The following DPYS variants were observed in gnomAD, a reference collection of about 807,000 sequenced individuals.
The protein encoded by DPYS is dihydropyrimidine amidohydrolase.
DPYS carries 39 observed loss-of-function variants against 50.3 expected under a neutral mutation model. The ratio of observed to expected loss-of-function variants is 0.78; its 90% CI spans 0.60 to 1.01. DPYS has a LOEUF of 1.01. DPYS is among the 50% of genes least tolerant of loss of function. DPYS has a pLI of 0.00. For missense variants in DPYS, 659 were observed against 680.9 expected (o/e 0.97, Z 0.36); for synonymous variants, 245 against 250.7 (o/e 0.98, Z 0.22).
intron 7 of DPYS, among the ~76,000 whole-genome samples, chr8:104,393,966 T>G (rs1442433249): frequency 6.6e-6 from 1 of 152,160 alleles, no homozygotes; most frequent in African/African-American, 2.4e-5. Flanking sequence ...TTCCCACCCT[T>G]TCCCGCTGAG....
intron 6 of DPYS, among the ~76,000 whole-genome samples, chr8:104,426,072 A>T (rs1812711080): frequency 1.3e-5 from 2 of 152,212 alleles, no homozygotes; most frequent in Non-Finnish European, 2.9e-5. Context: ...ACTTTTATCA[A>T]GAAAATCTAA....
intron 1 of DPYS, among the ~76,000 whole-genome samples, chr8:104,453,128 A>G (rs1160118896): frequency 6.6e-6 from 1 of 151,998 alleles, no homozygotes; most frequent in Non-Finnish European, 1.5e-5. Flanking sequence ...TTTCTTGCTT[A>G]CTTCAATAGA....
intron 8 of DPYS, among the ~76,000 whole-genome samples, chr8:104,389,123 A>G (rs1811307446): frequency 6.6e-6 from 1 of 152,228 alleles, no homozygotes. Context: ...GGGACTGACA[A>G]ATGCTGATGT....
chr8:104,410,997 C>G (rs934388311), intron 7 of DPYS, among the ~76,000 whole-genome samples: 9 of 152,110 alleles, frequency 5.9e-5, no homozygotes, highest in African/African-American at 2.2e-4. Flanking sequence ...CACAGACGAC[C>G]TCAACTTAGG....
intron 8 of DPYS, among the ~76,000 whole-genome samples, chr8:104,386,296 G>T (rs1588395172): frequency 6.6e-6 from 1 of 150,556 alleles, no homozygotes; most frequent in African/African-American, 2.5e-5. Context: ...ACTTTGGGAG[G>T]CTGAGGGAGG....
At chr8:104,413,642 T>C (rs562066321) in intron 7 of DPYS, among the ~76,000 whole-genome samples, 18 of 152,200 alleles carry the variant, frequency 1.2e-4, no homozygotes, top group Non-Finnish European at 2.6e-4. Context: ...GAAGACCCAA[T>C]ATAAGTTTTT....
intron 7 of DPYS, among the ~76,000 whole-genome samples, chr8:104,423,282 C>G (rs969215001): frequency 3.3e-5 from 5 of 152,060 alleles, no homozygotes; most frequent in African/African-American, 1.2e-4. Flanking sequence ...TGAGTGGGAA[C>G]AGTGGGTGCC....
intron 7 of DPYS, among the ~76,000 whole-genome samples, chr8:104,395,466 G>A (rs577502528): frequency 6.6e-5 from 10 of 152,102 alleles, no homozygotes; most frequent in East Asian, 1.9e-4. Flanking sequence ...CTGTAGTCAC[G>A]CCCTCCCCCA....
chr8:104,442,289 T>G (rs1813381571), intron 4 of DPYS, among the ~76,000 whole-genome samples: 1 of 152,248 alleles, frequency 6.6e-6, no homozygotes, highest in South Asian at 2.1e-4. Flanking sequence ...ACTTTGCTCC[T>G]AATGGAATTC....
intron 8 of DPYS, among the ~76,000 whole-genome samples, chr8:104,386,714 G>A (rs976251676): frequency 5.3e-5 from 8 of 150,864 alleles, no homozygotes; most frequent in Admixed American, 2.6e-4. Context: ...TGCAACCTCC[G>A]CCTTCTGAGT....
intron 4 of DPYS, among the ~76,000 whole-genome samples, chr8:104,437,395 A>G (rs1158757492): frequency 6.6e-6 from 1 of 152,234 alleles, no homozygotes; most frequent in African/African-American, 2.4e-5. Flanking sequence ...AATGACAACT[A>G]GAGTGACCTC....
In DPYS at chr8:104,431,114, G is replaced by A. The variant is rs191956382; in HGVS notation, c.794-1413C>T. 2.9e-4 allele frequency among the ~76,000 whole-genome samples: 44 copies of A among 152,290 alleles called. No individual in the cohort carries two copies. In the East Asian group the frequency reaches 5.8e-3, roughly 20 times the overall value. ...CAATGAAAACTCAGAGACTTGATCTGCAATCACTTTACAAGTCGCTGACTG... is the reference window on the plus strand; with the variant it reads ...CAATGAAAACTCAGAGACTTGATCTACAATCACTTTACAAGTCGCTGACTG... On this transcript the variant is annotated intron_variant, in intron 4 of 9. Transcript: ENST00000351513.
At chr8:104,466,623 G>A in intron 1 of DPYS, 34 bp downstream of exon 1, 1 of 1,498,624 alleles carries the variant, frequency 6.7e-7, no homozygotes, top group South Asian at 1.3e-5. Flanking sequence ...GCCTCCGTGG[G>A]TACCGCGGGG....
chr8:104,428,325 G>A (rs1039466364), intron 5 of DPYS, among the ~76,000 whole-genome samples: 4 of 152,164 alleles, frequency 2.6e-5, no homozygotes, highest in African/African-American at 7.2e-5. Context: ...CACACTGATC[G>A]GAAGCATGAT....
chr8:104,438,928 GT>G (rs1479506419), intron 4 of DPYS, among the ~76,000 whole-genome samples: 1 of 152,106 alleles, frequency 6.6e-6, no homozygotes, highest in Non-Finnish European at 1.5e-5. Flanking sequence ...AATTAGCCAT[GT>G]ACAGTGGTGC....
chr8:104,384,899 C>CA (rs1383982327), intron 8 of DPYS, among the ~76,000 whole-genome samples: 8 of 152,240 alleles, frequency 5.3e-5, no homozygotes, highest in Admixed American at 5.2e-4. Flanking sequence ...GGTCTTCCTG[C>CA]ATCACTGGTC....
chr8:104,439,834 G>A (rs748099996), intron 4 of DPYS, among the ~76,000 whole-genome samples: 1 of 152,124 alleles, frequency 6.6e-6, no homozygotes, highest in South Asian at 2.1e-4. Flanking sequence ...TTGATATCCA[G>A]GTTTTCCCAA....
chr8:104,408,524 G>A (rs1312776212), intron 7 of DPYS, among the ~76,000 whole-genome samples: 1 of 152,110 alleles, frequency 6.6e-6, no homozygotes, highest in African/African-American at 2.4e-5. Context: ...AAAATAAAAG[G>A]AAGAGCAAGA....
At chr8:104,412,995 T>G (rs1308116761) in intron 7 of DPYS, among the ~76,000 whole-genome samples, 1 of 152,178 alleles carries the variant, frequency 6.6e-6, no homozygotes, top group Non-Finnish European at 1.5e-5. Context: ...CAAAGGCCCA[T>G]AAATTTATAC....
Sources: gnomAD v4.1 joint callset for allele counts (sites outside exome capture counted in the v4.1 genomes callset) on GRCh38, gnomAD v4.1.1 for gene constraint, MANE v1.5 for transcripts, NCBI Gene and HGNC (gene_info 2026-07-23, HGNC 2026-07-21) for gene names.